Variants in ABLIM1 observed in about 807,000 individuals in gnomAD.
ABLIM1 encodes the protein actin-binding LIM protein 1.
ABLIM1 carries 40 observed loss-of-function variants against 107.0 expected under a neutral mutation model. The ratio of observed to expected loss-of-function variants is 0.37; its 90% CI spans 0.29 to 0.49. The LOEUF is 0.49. Ranked by LOEUF, ABLIM1 falls within the 20% of genes least tolerant of loss-of-function variation. The pLI is 0.97. For missense variants in ABLIM1, 857 were observed against 1,008.5 expected (o/e 0.85, Z 2.04); for synonymous variants, 357 against 357.3 (o/e 1.00, Z 0.01).
At chr10:114,748,659 C>CTTTTTTTTTTTTTTTTTTTTTTGT (rs1290803247) in intron 1 of ABLIM1, among the ~76,000 whole-genome samples, 1 of 121,564 alleles carries the variant, frequency 8.2e-6, no homozygotes. Flanking sequence ...TTTTTTTTTT[C>CTTTTTTTTTTTTTTTTTTTTTTGT]TTTTTTTTTT....
At chr10:114,517,278 G>A (rs951752717) in intron 6 of ABLIM1, among the ~76,000 whole-genome samples, 1 of 152,166 alleles carries the variant, frequency 6.6e-6, no homozygotes, top group Non-Finnish European at 1.5e-5. Context: ...ATACAGGACA[G>A]GACGGGACCA....
chr10:114,739,463 G>A (rs2082245050), intron 1 of ABLIM1, among the ~76,000 whole-genome samples: 1 of 152,178 alleles, frequency 6.6e-6, no homozygotes, highest in Non-Finnish European at 1.5e-5. Context: ...GGAGTCTGAA[G>A]TTAATCAATG....
At chr10:114,684,719 T>C (rs932312081) in exon 1 of ABLIM1, 3 of 1,038,332 alleles carry the variant, frequency 2.9e-6, no homozygotes, top group Admixed American at 5.2e-5. Context: ...AGAATGTTCC[T>C]AGGATTTTCC....
At chr10:114,556,499 G>T in intron 4 of ABLIM1, among the ~76,000 whole-genome samples, 1 of 152,150 alleles carries the variant, frequency 6.6e-6, no homozygotes, top group Admixed American at 6.5e-5. Flanking sequence ...TTGCAACTGT[G>T]TTACTAGCCT....
chr10:114,545,764 T>TA (rs1056649657), intron 5 of ABLIM1, among the ~76,000 whole-genome samples: 17 of 150,814 alleles, frequency 1.1e-4, no homozygotes, highest in African/African-American at 2.7e-4. Flanking sequence ...GTTTCTACTT[T>TA]AAAAAAAATA....
intron 4 of ABLIM1, among the ~76,000 whole-genome samples, chr10:114,559,335 G>T (rs1240708367): frequency 6.7e-6 from 1 of 149,422 alleles, no homozygotes; most frequent in East Asian, 2.0e-4. Flanking sequence ...GGGTGTGGTG[G>T]CACATGCCTG....
At chr10:114,699,524 T>C (rs2081266381) in intron 1 of ABLIM1, among the ~76,000 whole-genome samples, 1 of 151,864 alleles carries the variant, frequency 6.6e-6, no homozygotes. Flanking sequence ...AAAGTGTGGG[T>C]AGGAGAAGAG....
In ABLIM1 at chr10:114,646,130, G is replaced by A. The variant is rs2079004752; in HGVS notation, c.244+11827C>T. ...TGTATTGTATTTGTTGGGATTTGGA[G>A]GAGATTAGAGGGTGGACAGGAAGGA... On this transcript the variant is annotated intron_variant, in intron 1 of 22. Coordinates refer to ENST00000533213, the MANE Select transcript of ABLIM1 (RefSeq NM_002313.7). Among the ~76,000 whole-genome samples, 3 of 152,322 alleles carry A rather than the reference G, an allele frequency of 2.0e-5. No homozygotes were observed. In the South Asian group the frequency reaches 6.2e-4, roughly 32 times the overall value.
chr10:114,704,335 T>TATATATATATATATATCTCACG lies in ABLIM1; in HGVS notation c.-213+63725_-213+63726insCGTGAGATATATATATATATAT, dbSNP rs3061769. On this transcript the variant is annotated intron_variant, in intron 1 of 15. Coordinates refer to the ABLIM1 transcript ENST00000651092. ...ATATATATATATATATATATATATA[T>TATATATATATATATATCTCACG]TGCGCGCGTTACATCTGTGAGGTAT... 4.8e-3 allele frequency among the ~76,000 whole-genome samples: 401 copies of TATATATATATATATATCTCACG among 83,242 alleles called. 35 individuals carry two copies. Among genetic ancestry groups the TATATATATATATATATCTCACG allele is most frequent in the Non-Finnish European group, 6.9e-3 (270 of 39,354 alleles). The allele number at this position is 83,242 out of a possible 152,430, so 54.6% of individuals were successfully genotyped here.
rs1436153514 is a variant in ABLIM1, at chr10:114,434,968, T to G, written c.*1292A>C. On this transcript the variant is annotated 3_prime_UTR_variant, in exon 23 of 23. Transcript: ENST00000533213. ...CGCAGTTTAGCCTCACTCTTGATCT[T>G]TGAGTCACACACACTCGGTGACAAT... is the stretch of plus-strand genomic sequence containing the variant. 1 of 152,148 alleles carries G rather than the reference T, an allele frequency of 6.6e-6. No homozygotes were observed. The highest frequency in any genetic ancestry group is 1.5e-5 in the Non-Finnish European group (1 of 68,028). 9.4% of individuals were successfully genotyped at this position (152,148 alleles called of 1,614,324 possible).
intron 20 of ABLIM1, chr10:114,439,634 C>T (rs1424557367): frequency 1.4e-5 from 5 of 363,494 alleles, no homozygotes; most frequent in African/African-American, 6.3e-5. Flanking sequence ...CTTTTTTTAA[C>T]AAGATTGAGG....
rs2059224475 is a variant in ABLIM1, at chr10:114,434,943, C to T, written c.*1317G>A. On this transcript the variant is annotated 3_prime_UTR_variant, in exon 23 of 23. Coordinates refer to ENST00000533213, the MANE Select transcript of ABLIM1 (RefSeq NM_002313.7). ...TCCATGAAGGAAGTGATGTTGGGGT[C>T]GCAGTTTAGCCTCACTCTTGATCTT... The T allele has an allele frequency of 1.3e-5, 2 of 152,142 alleles. No individual in the cohort carries two copies. Among genetic ancestry groups the T allele is most frequent in the African/African-American group, 4.8e-5 (2 of 41,432 alleles). The allele number at this position is 152,142 out of a possible 1,614,324, so 9.4% of individuals were successfully genotyped here.
Position 114,441,787 on chromosome 10 carries a change from CTGAG to C in ABLIM1, c.1934-5_1934-2del, listed in dbSNP as rs1317344949. ...GTTTTAGATGATGGAATATGTGAAG[CTGAG>C]TAAGAAAAAAGTAAAAAACCAATTG... On this transcript the variant is annotated splice_acceptor_variant and splice_polypyrimidine_tract_variant and intron_variant, in intron 17 of 22. Transcript: ENST00000533213. LOFTEE classifies it high-confidence loss of function. 1 of 1,613,410 alleles carries C rather than the reference CTGAG, an allele frequency of 6.2e-7. No homozygotes were observed. The highest frequency in any genetic ancestry group is 8.5e-7 in the Non-Finnish European group (1 of 1,179,552).
chr10:114,490,868 T>C (rs1397627945), intron 7 of ABLIM1, among the ~76,000 whole-genome samples: 1 of 150,424 alleles, frequency 6.6e-6, no homozygotes, highest in Non-Finnish European at 1.5e-5. Flanking sequence ...GGGGTCTCGC[T>C]ATATTGCCCA....
chr10:114,449,383 G>A (rs188772009), intron 14 of ABLIM1, among the ~76,000 whole-genome samples: 6 of 152,058 alleles, frequency 3.9e-5, no homozygotes, highest in Admixed American at 3.3e-4. Flanking sequence ...TCCATTTTTC[G>A]GGTAACCTTC....
At chr10:114,623,603 G>A (rs1186185984) in intron 1 of ABLIM1, among the ~76,000 whole-genome samples, 3 of 152,336 alleles carry the variant, frequency 2.0e-5, no homozygotes, top group African/African-American at 4.8e-5. Flanking sequence ...CCTGCACAGT[G>A]TCAAAATGTG....
In ABLIM1 at chr10:114,605,436, C is replaced by T. The variant is rs536066603; in HGVS notation, c.245-3475G>A. On this transcript the variant is annotated intron_variant, in intron 1 of 22. Coordinates refer to ENST00000533213, the MANE Select transcript of ABLIM1 (RefSeq NM_002313.7). Reference sequence around the variant, plus strand: ...ACTGTTCCATCTTTCAAGGCCCAAGCGGTCCCTACTTATTTTACTGATAGG... The same window carrying T: ...ACTGTTCCATCTTTCAAGGCCCAAGTGGTCCCTACTTATTTTACTGATAGG... Among the ~76,000 whole-genome samples the T allele has an allele frequency of 2.2e-4, 33 of 152,268 alleles. 2 individuals carry two copies. The South Asian group carries it at 6.0e-3, about 28-fold the overall frequency.
chr10:114,504,189 C>G (rs770126445), intron 6 of ABLIM1, among the ~76,000 whole-genome samples: 66 of 152,146 alleles, frequency 4.3e-4, no homozygotes, highest in South Asian at 2.1e-3. Flanking sequence ...CTTCCCTTAT[C>G]AATTACTTTT....
intron 18 of ABLIM1, among the ~76,000 whole-genome samples, 174 bp downstream of exon 18, chr10:114,441,548 T>C (rs2060199076): frequency 6.6e-6 from 1 of 152,248 alleles, no homozygotes; most frequent in South Asian, 2.1e-4. Flanking sequence ...AATAGAAACA[T>C]TTTATTTTGC....
Sources: allele counts gnomAD v4.1 joint callset (sites outside exome capture counted in the v4.1 genomes callset), GRCh38; gene constraint gnomAD v4.1.1; transcripts MANE v1.5; gene names NCBI Gene and HGNC (gene_info 2026-07-23, HGNC 2026-07-21).